The following MIOS variants were observed in gnomAD, a reference collection of about 807,000 sequenced individuals.
MIOS encodes the protein GATOR2 complex protein MIOS.
Under a neutral mutation model 96.9 loss-of-function variants are expected in MIOS, and 52 were observed. The observed-to-expected ratio is 0.54, with a 90% CI of 0.43 to 0.68. MIOS has a LOEUF of 0.68. MIOS is among the 30% of genes least tolerant of loss of function. The pLI, the probability that MIOS is intolerant of heterozygous loss-of-function variation, is 0.00. For synonymous variants in MIOS, 397 were observed against 359.5 expected (o/e 1.10, Z -1.18); for missense variants, 1,005 against 1,052.8 (o/e 0.95, Z 0.63).
rs754578737 is a variant in MIOS at position 7,607,067 on chromosome 7, T to C, written c.2603T>C (p.Val868Ala). 18 of 1,612,700 alleles carry C rather than the reference T, an allele frequency of 1.1e-5. No individual in the cohort carries two copies. Among genetic ancestry groups the C allele is most frequent in the African/African-American group, 2.7e-5 (2 of 74,824 alleles). Residue 868 changes from valine to alanine, a missense_variant, in exon 13 of 13, where the codon GTA (valine) becomes GCA (alanine). Val to Ala is a moderately conservative substitution (Grantham distance 64). Around this residue, in one of 3 missense-constraint regions of MIOS, gnomAD observed 865 missense variants for 887.9 expected, o/e 0.97. Coordinates refer to ENST00000340080, the MANE Select transcript of MIOS (RefSeq NM_019005.4). The part of the protein sequence containing the change: ...CMQLDTTGNL[V>A]PAETVQP ...CAGTTGGATACAACAGGGAATCTGG[T>C]ACCTGCAGAGACTGTCCAGCCATAA...
Position 7,608,529 on chromosome 7 carries a change from CA to C in MIOS, c.*1438del, listed in dbSNP as rs1784589242. 6.6e-6 allele frequency: 1 copy of C among 151,964 alleles called. No individual in the cohort carries two copies. The highest frequency in any genetic ancestry group is 1.5e-5 in the Non-Finnish European group (1 of 67,896). The allele number at this position is 151,964 out of a possible 1,614,324, so 9.4% of individuals were successfully genotyped here. ...TACTCTAAATGTCTCACCTGCATGA[CA>C]GTCTTTTCAAATGAAAGACATGGTA... is the stretch of plus-strand genomic sequence containing the variant. On this transcript the variant is annotated 3_prime_UTR_variant, in exon 13 of 13. Coordinates refer to ENST00000340080, the MANE Select transcript of MIOS (RefSeq NM_019005.4).
rs916206010 is a variant in MIOS at position 7,583,380 on chromosome 7, G to A, written c.1648+8G>A. The A allele has an allele frequency of 1.3e-6, 2 of 1,575,174 alleles. No homozygotes were observed. The highest frequency in any genetic ancestry group is 1.7e-6 in the Non-Finnish European group (2 of 1,158,754). On this transcript the variant is annotated splice_region_variant and intron_variant, in intron 6 of 12. Transcript: ENST00000340080. Reference sequence around the variant, plus strand: ...GGGCATCTTCTGAAAAAGGTATTAGGTTATAAACTAAGATATTAGTTATAA... The same window carrying A: ...GGGCATCTTCTGAAAAAGGTATTAGATTATAAACTAAGATATTAGTTATAA...
intron 5 of MIOS, among the ~76,000 whole-genome samples, chr7:7,579,039 A>G (rs1395357626): frequency 6.6e-6 from 1 of 152,126 alleles, no homozygotes; most frequent in Non-Finnish European, 1.5e-5. Context: ...GTTTAAATAA[A>G]CTTGTTTTCC....
chr7:7,575,207 C>G (rs1034596925), intron 5 of MIOS, among the ~76,000 whole-genome samples: 6 of 152,074 alleles, frequency 3.9e-5, no homozygotes, highest in Admixed American at 1.3e-4. Flanking sequence ...GTAGTAAATC[C>G]AATTTGATTT....
At chr7:7,603,591 G>A (rs1784440584) in intron 11 of MIOS, among the ~76,000 whole-genome samples, 3 of 152,308 alleles carry the variant, frequency 2.0e-5, no homozygotes, top group Admixed American at 6.5e-5. Context: ...TGAAGAAATA[G>A]GAACACTTTT....
At chr7:7,587,370 A>C (rs1000361219) in intron 7 of MIOS, among the ~76,000 whole-genome samples, 1 of 152,182 alleles carries the variant, frequency 6.6e-6, no homozygotes, top group Non-Finnish European at 1.5e-5. Flanking sequence ...GATAACAGTC[A>C]TCTTGAGTAC....
intron 5 of MIOS, among the ~76,000 whole-genome samples, chr7:7,578,432 G>T (rs1783606448): frequency 6.6e-6 from 1 of 152,132 alleles, no homozygotes. Context: ...GGTTGAGATA[G>T]GAGGATCGCT....
At chr7:7,586,981 T>A (rs1783905025) in intron 7 of MIOS, among the ~76,000 whole-genome samples, 1 of 102,922 alleles carries the variant, frequency 9.7e-6, no homozygotes, top group African/African-American at 3.8e-5. Flanking sequence ...TAAGTACTTT[T>A]CTTTCCCTTT....
At chr7:7,600,721 T>C (rs141410836) in intron 11 of MIOS, among the ~76,000 whole-genome samples, 2,756 of 152,220 alleles carry the variant, frequency 0.018, 82 homozygotes, top group African/African-American at 0.063. Flanking sequence ...GCGGACCTAA[T>C]AGACATCTAC....
At chr7:7,580,421 C>G (rs1301153773) in intron 5 of MIOS, among the ~76,000 whole-genome samples, 1 of 152,118 alleles carries the variant, frequency 6.6e-6, no homozygotes, top group African/African-American at 2.4e-5. Flanking sequence ...CTCTTAACTC[C>G]TTGACCTGAA....
intron 5 of MIOS, among the ~76,000 whole-genome samples, chr7:7,578,845 G>T (rs746700048): frequency 1.7e-4 from 26 of 151,934 alleles, no homozygotes; most frequent in Non-Finnish European, 2.4e-4. Flanking sequence ...TGAGTAGCTG[G>T]GATTACAGGC....
At chr7:7,594,893 T>G in intron 9 of MIOS, 87 bp from the exon 10 acceptor site, 2 of 985,948 alleles carry the variant, frequency 2.0e-6, no homozygotes, top group Non-Finnish European at 2.8e-6. Context: ...ATTTCTTCTG[T>G]GTTACTCATA....
Position 7,573,692 on chromosome 7 carries a change from C to T in MIOS, c.1217C>T (p.Thr406Ile), listed in dbSNP as rs767542715. The T allele has an allele frequency of 2.9e-5, 46 of 1,613,706 alleles. No homozygotes were observed. The highest frequency in any genetic ancestry group is 2.2e-4 in the Admixed American group (13 of 60,000). The part of the protein sequence containing the change: ...LRALSRYGLD[T>I]EQVWRNHILA... The stretch of plus-strand genomic sequence containing the variant: ...GCTTTATCAAGGTATGGACTTGATA[C>T]AGAGCAGGTGTGGAGGAACCACATT... Residue 406 changes from threonine (T) to isoleucine (I), a missense_variant, in exon 4 of 13, where the codon ACA (threonine) becomes ATA (isoleucine). Transcript: ENST00000340080. The surrounding 1 kb of genome is among the most constrained non-coding windows in gnomAD (Gnocchi z 5.0).
Position 7,574,188 on chromosome 7 carries a change from C to A in MIOS, c.1385C>A (p.Ser462Ter). 1.3e-6 allele frequency: 2 copies of A among 1,599,742 alleles called. No individual in the cohort carries two copies. The highest frequency in any genetic ancestry group is 2.3e-5 in the South Asian group (2 of 88,724). The change falls in exon 5 of 13, where the codon TCA becomes TAA. Residue 462 changes from serine to a stop codon, truncating the protein, a stop_gained. Coordinates refer to ENST00000340080, the MANE Select transcript of MIOS (RefSeq NM_019005.4). LOFTEE classifies it high-confidence loss of function. ...VYAGIKSIVK[S>*]SLGMVESSRH... ...GCAGGAATTAAATCAATTGTAAAGT[C>A]ATCGTTGGGTAAGAAAATTCTATTT...
intron 7 of MIOS, among the ~76,000 whole-genome samples, chr7:7,586,115 CAT>C (rs1367831610): frequency 3.3e-5 from 5 of 151,596 alleles, no homozygotes; most frequent in Admixed American, 1.3e-4. Context: ...GCTGTGTAAA[CAT>C]AAAAATATAT....
rs1783383957 is a variant in MIOS, at chr7:7,572,355, C to A, written c.-40-81C>A. ...AGAGGGTTCTTGAATAGAGAATTTT[C>A]TGACTTTCTGAATAGTTTATTCAAC... is the stretch of plus-strand genomic sequence containing the variant. On this transcript the variant is annotated intron_variant, in intron 3 of 12. Transcript: ENST00000340080. The surrounding 1 kb of genome is among the most constrained non-coding windows in gnomAD (Gnocchi z 4.8). 3.1e-6 allele frequency: 2 copies of A among 652,458 alleles called. No individual in the cohort carries two copies. The highest frequency in any genetic ancestry group is 3.2e-4 in the Middle Eastern group (1 of 3,140). 40.4% of individuals were successfully genotyped at this position (652,458 alleles called of 1,614,324 possible).
chr7:7,574,560 AAG>A (rs1286732227), intron 5 of MIOS, among the ~76,000 whole-genome samples: 3 of 152,142 alleles, frequency 2.0e-5, no homozygotes, highest in African/African-American at 7.2e-5. Context: ...AAAAACTAAA[AAG>A]ATCTCTAATT....
intron 11 of MIOS, among the ~76,000 whole-genome samples, chr7:7,602,554 A>G (rs1487609820): frequency 6.6e-6 from 1 of 152,130 alleles, no homozygotes; most frequent in African/African-American, 2.4e-5. Flanking sequence ...ACTACAAACT[A>G]CTGCTCAAGG....
chr7:7,606,143 G>T, intron 12 of MIOS, 72 bp downstream of exon 12: 13 of 1,547,164 alleles, frequency 8.4e-6, no homozygotes, highest in South Asian at 2.5e-5. Flanking sequence ...TAAATAGTTT[G>T]GGTTTATCTA....
Sources: allele counts gnomAD v4.1 joint callset (sites outside exome capture counted in the v4.1 genomes callset), GRCh38; gene constraint gnomAD v4.1.1; regional missense constraint gnomAD v4.1.1; non-coding constraint Gnocchi (gnomAD v3.1); transcripts MANE v1.5; gene names NCBI Gene and HGNC (gene_info 2026-07-23, HGNC 2026-07-21).